The following NELL1 variants were observed in gnomAD, a reference collection of about 807,000 sequenced individuals.
The protein encoded by NELL1 is neural EGFL like 1.
NELL1 carries 76 observed loss-of-function variants against 107.4 expected under a neutral mutation model. The ratio of observed to expected loss-of-function variants is 0.71; its 90% CI spans 0.59 to 0.86. The LOEUF (loss-of-function observed/expected upper bound fraction) is 0.86. Among genes scored for constraint, NELL1 ranks in the 40% least tolerant of loss-of-function variants. The probability of loss-of-function intolerance (pLI) is 0.00; values close to 1 mark genes in which losing one functional copy is unlikely to be tolerated. For synonymous variants in NELL1, 353 were observed against 341.2 expected (o/e 1.03, Z -0.38); for missense variants, 1,024 against 1,005.5 (o/e 1.02, Z -0.25).
intron 15 of NELL1, among the ~76,000 whole-genome samples, chr11:21,393,865 C>T (rs760354091): frequency 3.3e-4 from 50 of 151,692 alleles, no homozygotes; most frequent in Non-Finnish European, 5.9e-4. Context: ...TTGGCAGGTA[C>T]TTTTATATCC....
intron 15 of NELL1, among the ~76,000 whole-genome samples, chr11:21,488,880 G>A (rs1299479384): frequency 6.6e-6 from 1 of 151,902 alleles, no homozygotes; most frequent in Non-Finnish European, 1.5e-5. Flanking sequence ...TAAGGAACTG[G>A]AAAAGCAAGA....
chr11:20,960,406 T>C (rs756690227), intron 11 of NELL1, 26 bp from the exon 12 acceptor site: 14 of 1,610,066 alleles, frequency 8.7e-6, no homozygotes, highest in South Asian at 7.7e-5. Context: ...CCTTTTCTGA[T>C]GTACGTTTTT....
chr11:21,298,768 A>T (rs943639955), intron 14 of NELL1, among the ~76,000 whole-genome samples: 25 of 151,986 alleles, frequency 1.6e-4, no homozygotes, highest in South Asian at 4.1e-4. Context: ...CATGCCCCTC[A>T]GGTTCAAGTA....
chr11:21,226,835 A>T (rs1177770476), intron 13 of NELL1, among the ~76,000 whole-genome samples: 1 of 152,214 alleles, frequency 6.6e-6, no homozygotes, highest in African/African-American at 2.4e-5. Context: ...TGGTAAGAGT[A>T]TGGGTTTGAA....
At chr11:20,728,915 A>G (rs1855567897) in intron 2 of NELL1, among the ~76,000 whole-genome samples, 1 of 152,176 alleles carries the variant, frequency 6.6e-6, no homozygotes, top group Admixed American at 6.5e-5. Flanking sequence ...CATGTTAATG[A>G]TGTTGATTCT....
intron 12 of NELL1, among the ~76,000 whole-genome samples, chr11:21,080,143 C>T (rs1854231276): frequency 6.6e-6 from 1 of 152,024 alleles, no homozygotes; most frequent in Admixed American, 6.6e-5. Context: ...CATTATATTC[C>T]TATACCTTTA....
chr11:20,818,026 G>C lies in NELL1; in HGVS notation c.336-29557G>C, dbSNP rs79274614. ...GGAAAAGCATGTGGTTGATCTTAGA[G>C]AATGTCTCACGTGCAGATGAGAAAA... On this transcript the variant is annotated intron_variant, in intron 3 of 19. Transcript: ENST00000357134. Among the ~76,000 whole-genome samples, 1,443 of 152,180 alleles carry C rather than the reference G, an allele frequency of 9.5e-3. 23 individuals are homozygous for C. Among genetic ancestry groups the C allele is most frequent in the African/African-American group, 0.033 (1,360 of 41,514 alleles).
intron 15 of NELL1, among the ~76,000 whole-genome samples, chr11:21,404,155 G>A (rs1244476128): frequency 6.6e-6 from 1 of 151,734 alleles, no homozygotes; most frequent in East Asian, 2.0e-4. Context: ...TTTAGAAACA[G>A]CCTGGCTATT....
At chr11:21,266,191 A>ATT (rs34976258) in intron 14 of NELL1, among the ~76,000 whole-genome samples, 43 of 150,254 alleles carry the variant, frequency 2.9e-4, no homozygotes, top group Non-Finnish European at 4.7e-4. Flanking sequence ...CCATTTAGGT[A>ATT]TTTTTTTTTT....
intron 3 of NELL1, among the ~76,000 whole-genome samples, chr11:20,790,835 T>C (rs952409806): frequency 6.6e-6 from 1 of 152,176 alleles, no homozygotes; most frequent in Non-Finnish European, 1.5e-5. Flanking sequence ...TCCCAGTGGC[T>C]CCACAAAGCC....
intron 12 of NELL1, among the ~76,000 whole-genome samples, chr11:21,040,121 C>G (rs1230323811): frequency 6.6e-6 from 1 of 150,752 alleles, no homozygotes; most frequent in African/African-American, 2.4e-5. Context: ...CTTGTGCCCT[C>G]ATATAATTTT....
chr11:21,204,571 G>A (rs972189855), intron 13 of NELL1, among the ~76,000 whole-genome samples: 37 of 151,774 alleles, frequency 2.4e-4, no homozygotes, highest in African/African-American at 6.5e-4. Context: ...CCTTTAGCTC[G>A]GAGGAGTTTG....
intron 15 of NELL1, among the ~76,000 whole-genome samples, chr11:21,493,404 A>G (rs1355809373): frequency 6.6e-6 from 1 of 152,144 alleles, no homozygotes; most frequent in African/African-American, 2.4e-5. Flanking sequence ...CTATTTCTCC[A>G]TAGAAAAGAA....
intron 14 of NELL1, among the ~76,000 whole-genome samples, chr11:21,352,410 G>A (rs925873095): frequency 2.0e-5 from 3 of 152,104 alleles, no homozygotes; most frequent in African/African-American, 7.2e-5. Flanking sequence ...GATAGTTTTT[G>A]AATGGATGGA....
rs577554024 is a variant in NELL1, at chr11:20,880,954, A to C, written c.507-4490A>C. 3.3e-5 allele frequency among the ~76,000 whole-genome samples: 5 copies of C among 152,252 alleles called. No homozygotes were observed. The South Asian group carries it at 1.0e-3, about 32-fold the overall frequency. The stretch of plus-strand genomic sequence containing the variant: ...TTATTTTTCGGTGGGGTGGAGGGGC[A>C]GGCTTAGAAGTGGGGCACAACCTTT... On this transcript the variant is annotated intron_variant, in intron 4 of 19. Transcript: ENST00000357134.
chr11:21,075,351 CACTCTGAATACTCTTTAT>C lies in NELL1; in HGVS notation c.1301-38237_1301-38220del, dbSNP rs564960511. Reference sequence around the variant, plus strand: ...TTGATAAGAAGTACATATATTGCTACACTCTGAATACTCTTTATTTACACATGCCTGTTTTTACTATAA... The same window carrying C: ...TTGATAAGAAGTACATATATTGCTACTTACACATGCCTGTTTTTACTATAA... On this transcript the variant is annotated intron_variant, in intron 12 of 19. Coordinates refer to ENST00000357134, the MANE Select transcript of NELL1 (RefSeq NM_006157.5). Among the ~76,000 whole-genome samples, 722 of 152,280 alleles carry C rather than the reference CACTCTGAATACTCTTTAT, an allele frequency of 4.7e-3. 7 individuals are homozygous for C. The highest frequency in any genetic ancestry group is 0.016 in the African/African-American group (679 of 41,562).
chr11:20,990,670 T>TC (rs1375176081), intron 12 of NELL1, among the ~76,000 whole-genome samples: 18 of 152,310 alleles, frequency 1.2e-4, no homozygotes, highest in African/African-American at 4.3e-4. Flanking sequence ...AGCTAGTGAC[T>TC]CATACCACAT....
At chr11:21,198,183 C>T (rs1319451303) in intron 13 of NELL1, among the ~76,000 whole-genome samples, 2 of 152,200 alleles carry the variant, frequency 1.3e-5, no homozygotes, top group Non-Finnish European at 2.9e-5. Flanking sequence ...ACTCCATGTG[C>T]CTCTCCACAT....
In NELL1 at chr11:20,711,094, T is replaced by C. The variant is rs533429172; in HGVS notation, c.184+33034T>C. On this transcript the variant is annotated intron_variant, in intron 2 of 19. Transcript: ENST00000357134. ...TAGGTTTGGTTTGTTCTTGTTTCTC[T>C]AGTTCCCTGGGGTGTGACCTTAGAT... is the stretch of plus-strand genomic sequence containing the variant. Among the ~76,000 whole-genome samples, 22 of 152,284 alleles carry C rather than the reference T, an allele frequency of 1.4e-4. No homozygotes were observed. The South Asian group carries it at 4.6e-3, about 32-fold the overall frequency.
Sources: gnomAD v4.1 joint callset for allele counts (sites outside exome capture counted in the v4.1 genomes callset) on GRCh38, gnomAD v4.1.1 for gene constraint, MANE v1.5 for transcripts, NCBI Gene and HGNC (gene_info 2026-07-23, HGNC 2026-07-21) for gene names.